Variants in MYH7B observed in about 807,000 individuals in gnomAD.
MYH7B encodes the protein myosin heavy chain 7B.
MYH7B carries 205 observed loss-of-function variants against 234.5 expected under a neutral mutation model. The ratio of observed to expected loss-of-function variants is 0.87; its 90% CI spans 0.78 to 0.98. MYH7B has a LOEUF of 0.98. MYH7B is among the 50% of genes least tolerant of loss of function. MYH7B has a pLI of 0.00. For missense variants in MYH7B, 2,652 were observed against 2,633.4 expected, an observed-to-expected ratio of 1.01 and a Z score of -0.15; for synonymous variants, 1,193 against 1,105.0, an observed-to-expected ratio of 1.08 and a Z score of -1.58.
chr20:35,001,656 T>TAACA (rs1483104926), intron 43 of MYH7B, 130 bp downstream of exon 43: 14 of 857,798 alleles, frequency 1.6e-5, no homozygotes, highest in Non-Finnish European at 2.4e-5. Context: ...GAGAAGCTTC[T>TAACA]AACATCTCTG....
chr20:34,962,480 A>G (rs1177656868), intron 2 of MYH7B, among the ~76,000 whole-genome samples: 1 of 152,168 alleles, frequency 6.6e-6, no homozygotes, highest in Admixed American at 6.5e-5. Context: ...ATGGATACCA[A>G]CATCCAAGGA....
intron 32 of MYH7B, 119 bp from the exon 33 acceptor site, chr20:34,998,176 C>G (rs2082299613): frequency 1.6e-6 from 2 of 1,250,020 alleles, no homozygotes; most frequent in East Asian, 4.7e-5. Flanking sequence ...TCTGCTCTCC[C>G]TTTGATTCCT....
chr20:34,984,133 A>G (rs922584042), intron 10 of MYH7B, among the ~76,000 whole-genome samples: 1 of 152,176 alleles, frequency 6.6e-6, no homozygotes, highest in Non-Finnish European at 1.5e-5. Context: ...CTCATTTGCA[A>G]ATTAGGGCTA....
At chr20:34,998,421 G>T (rs372128121) in exon 33 of MYH7B, 1 of 1,613,002 alleles carries the variant, frequency 6.2e-7, no homozygotes, top group African/African-American at 1.3e-5. Flanking sequence ...GACGGAAAGC[G>T]GTGAGGCTGG....
rs754414877 is a variant in MYH7B at position 34,999,655 on chromosome 20, GC to G, written c.4626del (p.Glu1543ArgfsTer51). ...GAGAAAACCAAGAAGGCGCTGGAAG[GC>G]GAGAAGAGTGAGATCCAGGCTGCAC... On this transcript the variant is annotated frameshift_variant, in exon 37 of 45. Coordinates refer to ENST00000262873, the Ensembl canonical transcript of MYH7B. LOFTEE classifies it high-confidence loss of function. 6.2e-7 allele frequency: 1 copy of G among 1,613,804 alleles called. No homozygotes were observed. The highest frequency in any genetic ancestry group is 8.5e-7 in the Non-Finnish European group (1 of 1,179,898).
intron 2 of MYH7B, among the ~76,000 whole-genome samples, chr20:34,970,003 C>T (rs1175858049): frequency 6.6e-6 from 1 of 152,166 alleles, no homozygotes; most frequent in Admixed American, 6.5e-5. Context: ...GTTTGTGAAT[C>T]TCCACCATTA....
At position 34,995,317 on chromosome 20, in the gene MYH7B, C is replaced by T. The variant is rs773074809; in HGVS notation, c.2701-19C>T. ...ACCTGGCCCTCCCCCAACCTGGCCC[C>T]GTTCCGTGTGCCCTCCAGGAGCAGG... On this transcript the variant is annotated intron_variant, in intron 27 of 44. Transcript: ENST00000262873. 10 of 1,607,994 alleles carry T rather than the reference C, an allele frequency of 6.2e-6. No homozygotes were observed. The highest frequency in any genetic ancestry group is 1.1e-5 in the South Asian group (1 of 90,732).
Position 34,986,212 on chromosome 20 carries a change from C to A in MYH7B, c.904+14C>A. The A allele has an allele frequency of 6.4e-7, 1 of 1,573,330 alleles. No homozygotes were observed. The highest frequency in any genetic ancestry group is 8.6e-7 in the Non-Finnish European group (1 of 1,156,498). On this transcript the variant is annotated intron_variant, in intron 14 of 44. Transcript: ENST00000262873. Reference sequence around the variant, plus strand: ...CAGAGCTGCAGGGTGAGGGGCAGTACGATGAAGGGGGTGGGAGTCAGAACC... The same window carrying A: ...CAGAGCTGCAGGGTGAGGGGCAGTAAGATGAAGGGGGTGGGAGTCAGAACC...
rs769544886 is a variant in MYH7B, at chr20:34,999,097, T to G, written c.4232T>G (p.Val1411Gly). 99 of 1,612,794 alleles carry G rather than the reference T, an allele frequency of 6.1e-5. 1 individual carries two copies. In the South Asian group the frequency reaches 1.0e-3, roughly 17 times the overall value. Residue 1411 changes from valine (V) to glycine (G), a missense_variant, in exon 36 of 45, where the codon GTG (valine) becomes GGG (glycine). Val to Gly is a moderately radical substitution (Grantham distance 109, BLOSUM62 -3). Transcript: ENST00000262873. ...CGGCTGCAGGAGGCAGAGGAGGGCG[T>G]GGAGGCTGCCAACGCCAAGTGCTCA...
chr20:34,986,255 G>T (rs113314898), intron 14 of MYH7B, 57 bp downstream of exon 14: 2 of 1,391,464 alleles, frequency 1.4e-6, no homozygotes, highest in Admixed American at 2.0e-5. Flanking sequence ...GCTGCCTGGC[G>T]CTTCCTGGCC....
At position 34,993,331 on chromosome 20, in the gene MYH7B, C is replaced by A. The variant is rs765480648; in HGVS notation, c.2308-3C>A. 2.5e-6 allele frequency: 4 copies of A among 1,614,144 alleles called. No individual in the cohort carries two copies. Among genetic ancestry groups the A allele is most frequent in the Non-Finnish European group, 2.5e-6 (3 of 1,180,022 alleles). On this transcript the variant is annotated splice_polypyrimidine_tract_variant and splice_region_variant and intron_variant, in intron 25 of 44. Transcript: ENST00000262873. ...CCCTGGCTGTCTACCTCTCCGCCCC[C>A]AGGTGTTCTTCAAGGCTGGGCTTCT... is the stretch of plus-strand genomic sequence containing the variant.
intron 4 of MYH7B, 58 bp downstream of exon 4, chr20:34,977,738 G>GGGGGGGGGGGGGGGGGGGGGGGGGGGGT: frequency 3.2e-6 from 1 of 317,154 alleles, no homozygotes; most frequent in Non-Finnish European, 5.9e-6. Flanking sequence ...GGGCGGGTGG[G>GGGGGGGGGGGGGGGGGGGGGGGGGGGGT]TGAGGGTGCC....
chr20:34,994,452 T>C (rs1461420541), intron 27 of MYH7B, 51 bp downstream of exon 27: 1 of 1,519,646 alleles, frequency 6.6e-7, no homozygotes, highest in Non-Finnish European at 8.8e-7. Context: ...CGAGTACCCC[T>C]GGCTGCTCTG....
chr20:34,963,776 G>A (rs909832299), intron 2 of MYH7B, among the ~76,000 whole-genome samples: 1 of 152,248 alleles, frequency 6.6e-6, no homozygotes, highest in East Asian at 1.9e-4. Context: ...TAGGTCTTAT[G>A]CATTTTTACC....
chr20:34,961,691 TC>T (rs1307615680), intron 2 of MYH7B, among the ~76,000 whole-genome samples: 1 of 152,228 alleles, frequency 6.6e-6, no homozygotes, highest in African/African-American at 2.4e-5. Context: ...TAATTTACTT[TC>T]TTTGTCTATG....
chr20:34,963,640 C>T (rs868803608), intron 2 of MYH7B, among the ~76,000 whole-genome samples: 19 of 152,284 alleles, frequency 1.2e-4, no homozygotes, highest in Admixed American at 3.9e-4. Flanking sequence ...GTCATATCTA[C>T]GAAACCATTG....
chr20:34,987,494 C>G, intron 16 of MYH7B, 63 bp from the exon 17 acceptor site: 1 of 1,471,266 alleles, frequency 6.8e-7, no homozygotes, highest in Non-Finnish European at 9.4e-7. Flanking sequence ...CAGGCTGAGG[C>G]AGTAGAGCCC....
chr20:34,999,024 T>C (rs1047665922), intron 35 of MYH7B, 32 bp from the exon 36 acceptor site: 45 of 1,589,306 alleles, frequency 2.8e-5, no homozygotes, highest in Non-Finnish European at 3.2e-5. Context: ...CCTCCTTCCA[T>C]GGTCCACACC....
exon 43 of MYH7B, chr20:35,001,433 C>A (rs768432189): frequency 2.1e-5 from 33 of 1,599,032 alleles, no homozygotes; most frequent in Non-Finnish European, 2.6e-5. Flanking sequence ...CCGCCCAGGC[C>A]GAGGAGGACA....
Sources: allele counts gnomAD v4.1 joint callset (sites outside exome capture counted in the v4.1 genomes callset), GRCh38; gene constraint gnomAD v4.1.1; transcripts MANE v1.5; gene names NCBI Gene and HGNC (gene_info 2026-07-23, HGNC 2026-07-21).